The following KIAA1614 variants were observed in gnomAD, a reference collection of about 807,000 sequenced individuals.
KIAA1614 encodes KIAA1614, also known as uncharacterized protein KIAA1614.
Under a neutral mutation model 88.7 loss-of-function variants are expected in KIAA1614, and 76 were observed. That is an observed-to-expected ratio of 0.86 (90% confidence interval 0.71 to 1.04). The LOEUF (loss-of-function observed/expected upper bound fraction) is 1.04, where lower values mean the gene tolerates loss of function less well. Ranked by LOEUF, KIAA1614 falls within the 50% of genes least tolerant of loss-of-function variation. The probability of loss-of-function intolerance (pLI) is 0.00; values close to 1 mark genes in which losing one functional copy is unlikely to be tolerated. For synonymous variants in KIAA1614, 714 were observed against 675.5 expected, an observed-to-expected ratio of 1.06 and a Z score of -0.88; for missense variants, 1,553 against 1,582.5, an observed-to-expected ratio of 0.98 and a Z score of 0.32.
chr1:180,951,126 G>C lies in KIAA1614; in HGVS notation c.*5538G>C, dbSNP rs150183364. On this transcript the variant is annotated 3_prime_UTR_variant, in exon 9 of 9. Transcript: ENST00000367588. ...CAGGAGTTTTATGCCCCTTCGGGGT[G>C]TGGGAATTCTGGGAGATGTTATCTG... The C allele has an allele frequency of 2.0e-5, 3 of 152,254 alleles. No homozygotes were observed. The highest frequency in any genetic ancestry group is 2.1e-4 in the South Asian group (1 of 4,832). The allele number at this position is 152,254 out of a possible 1,614,324, so 9.4% of individuals were successfully genotyped here. A position where few individuals can be genotyped will look rare whatever the true frequency, so the allele number is the denominator to read the frequency against.
At chr1:180,923,634 C>T (rs899984468) in intron 3 of KIAA1614, among the ~76,000 whole-genome samples, 3 of 152,188 alleles carry the variant, frequency 2.0e-5, no homozygotes, top group African/African-American at 7.2e-5. Flanking sequence ...CTGTTCTTGT[C>T]TCCGGGCCCC....
At position 180,950,473 on chromosome 1, in the gene KIAA1614, C is replaced by A; in HGVS notation, c.*4885C>A. The A allele has an allele frequency of 2.6e-6, 3 of 1,157,734 alleles. No individual in the cohort carries two copies. The highest frequency in any genetic ancestry group is 3.3e-6 in the Non-Finnish European group (3 of 922,424). 71.7% of individuals were successfully genotyped at this position (1,157,734 alleles called of 1,614,324 possible). A position where few individuals can be genotyped will look rare whatever the true frequency, so the allele number is the denominator to read the frequency against. On this transcript the variant is annotated 3_prime_UTR_variant, in exon 9 of 9. Transcript: ENST00000367588. ...TGGGCTTGGCTCACATTAAGGAGCT[C>A]CTGGCCCACTCAGAGAGCTTGTCAA...
chr1:180,926,557 C>T (rs1358332397), intron 3 of KIAA1614, among the ~76,000 whole-genome samples: 1 of 152,092 alleles, frequency 6.6e-6, no homozygotes, highest in East Asian at 1.9e-4. Context: ...GGCTTTAAAA[C>T]CTGGGGGCAA....
In KIAA1614 at chr1:180,935,354, C is replaced by T; in HGVS notation, c.1445C>T (p.Ala482Val). 1.4e-6 allele frequency: 2 copies of T among 1,468,722 alleles called. No individual in the cohort carries two copies. The highest frequency in any genetic ancestry group is 2.9e-5 in the South Asian group (2 of 69,830). The allele number at this position is 1,468,722 out of a possible 1,614,324, so 91.0% of individuals were successfully genotyped here. The change falls in exon 5 of 9, where the codon GCC becomes GTC. Residue 482 changes from alanine (A) to valine (V), a missense_variant. By Grantham distance (64) the Ala-to-Val change is moderately conservative. Coordinates refer to ENST00000367588, the MANE Select transcript of KIAA1614 (RefSeq NM_020950.2). The surrounding 1 kb of genome is among the most constrained non-coding windows in gnomAD (Gnocchi z 6.1). ...CAGGTGCTGAGCACCGTGTTGCAGG[C>T]CGCGGACCAGGGCCCCCTGCGCTCC... ...QRQVLSTVLQ[A>V]ADQGPLRSKP... is the part of the protein sequence containing the mutation.
chr1:180,914,836 T>C (rs1270432063), intron 1 of KIAA1614, among the ~76,000 whole-genome samples: 1 of 152,162 alleles, frequency 6.6e-6, no homozygotes, highest in Non-Finnish European at 1.5e-5. Flanking sequence ...CCTCCCGAGT[T>C]CAAGCAATTA....
chr1:180,944,531 C>A lies in KIAA1614; in HGVS notation c.3287+15C>A. On this transcript the variant is annotated intron_variant, in intron 8 of 8. Transcript: ENST00000367588. ...GCAGCTGGCAGGTATGAGGGGCACA[C>A]ATGGTTTGGAGGATAAACTCAGAGA... 6.2e-7 allele frequency: 1 copy of A among 1,611,692 alleles called. No individual in the cohort carries two copies. The highest frequency in any genetic ancestry group is 8.5e-7 in the Non-Finnish European group (1 of 1,178,660).
At chr1:180,916,122 G>A in intron 1 of KIAA1614, 32 bp from the exon 2 acceptor site, 2 of 1,511,806 alleles carry the variant, frequency 1.3e-6, no homozygotes, top group Non-Finnish European at 1.8e-6. Context: ...CCTGTGCTGG[G>A]TCTTAGGAAC....
intron 4 of KIAA1614, among the ~76,000 whole-genome samples, chr1:180,928,975 T>C (rs1294267446): frequency 6.6e-6 from 1 of 152,360 alleles, no homozygotes; most frequent in Non-Finnish European, 1.5e-5. Flanking sequence ...AGCTGAGGCT[T>C]GACGGAAGTA....
At chr1:180,922,246 C>T (rs1040442265) in intron 3 of KIAA1614, among the ~76,000 whole-genome samples, 2 of 152,182 alleles carry the variant, frequency 1.3e-5, no homozygotes, top group Non-Finnish European at 2.9e-5. Context: ...GAGAAGGTCT[C>T]GGTTTTGTTT....
At position 180,936,130 on chromosome 1, in the gene KIAA1614, A is replaced by C; in HGVS notation, c.2221A>C (p.Thr741Pro). ...SHQPHPLDSRTPCRTAYATTA... is the reference protein window; with the variant it reads ...SHQPHPLDSRPPCRTAYATTA... ...CCAGCCTCACCCTTTGGATTCCCGG[A>C]CTCCATGCAGGACAGCCTATGCCAC... Residue 741 changes from threonine (T) to proline (P), a missense_variant, in exon 5 of 9, where the codon ACT becomes CCT. Thr to Pro is a conservative substitution (Grantham distance 38). Transcript: ENST00000367588. 1 of 1,613,808 alleles carries C rather than the reference A, an allele frequency of 6.2e-7. No homozygotes were observed. The highest frequency in any genetic ancestry group is 8.5e-7 in the Non-Finnish European group (1 of 1,179,934).
chr1:180,929,747 A>G (rs924230903), intron 4 of KIAA1614, among the ~76,000 whole-genome samples: 2 of 152,262 alleles, frequency 1.3e-5, no homozygotes, highest in Non-Finnish European at 2.9e-5. Context: ...CCACCAGGCT[A>G]TGCCAGGTCT....
chr1:180,928,335 C>T lies in KIAA1614; in HGVS notation c.1062-95C>T, dbSNP rs983605026. On this transcript the variant is annotated intron_variant, in intron 3 of 8. Coordinates refer to ENST00000367588, the MANE Select transcript of KIAA1614 (RefSeq NM_020950.2). ...GCTGCACATGCAGGGCTTTTTCTGG[C>T]ACAGCCAGTGCTTGACACTGCTAAA... is the stretch of plus-strand genomic sequence containing the variant. 6 of 1,336,882 alleles carry T rather than the reference C, an allele frequency of 4.5e-6. No individual in the cohort carries two copies. The Admixed American group carries it at 8.7e-5, about 19-fold the overall frequency. The allele number at this position is 1,336,882 out of a possible 1,614,324, so 82.8% of individuals were successfully genotyped here.
At chr1:180,926,828 T>C (rs1654081056) in intron 3 of KIAA1614, among the ~76,000 whole-genome samples, 1 of 152,250 alleles carries the variant, frequency 6.6e-6, no homozygotes, top group African/African-American at 2.4e-5. Context: ...CTGGGGAAGC[T>C]GTGCAGAGGG....
In KIAA1614 at chr1:180,936,403, A is replaced by G. The variant is rs1203131381; in HGVS notation, c.2494A>G (p.Arg832Gly). 11 of 1,614,096 alleles carry G rather than the reference A, an allele frequency of 6.8e-6. No homozygotes were observed. The highest frequency in any genetic ancestry group is 9.3e-6 in the Non-Finnish European group (11 of 1,180,030). Residue 832 changes from arginine (R) to glycine (G), a missense_variant, in exon 5 of 9, where the codon AGG becomes GGG. By Grantham distance (125) the Arg-to-Gly change is moderately radical. Coordinates refer to ENST00000367588, the MANE Select transcript of KIAA1614 (RefSeq NM_020950.2). Reference sequence around the variant, plus strand: ...GAAGGCAGCCCTGGCTGGACTGCTCAGGCTGGGTGACCAGACAGAGCCTGT... The same window carrying G: ...GAAGGCAGCCCTGGCTGGACTGCTCGGGCTGGGTGACCAGACAGAGCCTGT... ...HRKAALAGLL[R>G]LGDQTEPVGI...
rs1654701006 is a variant in KIAA1614, at chr1:180,950,177, A to G, written c.*4589A>G. ...GCCAGTTGTGGTTGTGAGATGGAAT[A>G]ATGAGGGGTGTGTGTATGTGTGCAT... On this transcript the variant is annotated 3_prime_UTR_variant, in exon 9 of 9. Transcript: ENST00000367588. 1 of 225,920 alleles carries G rather than the reference A, an allele frequency of 4.4e-6. No homozygotes were observed. Among genetic ancestry groups the G allele is most frequent in the South Asian group, 6.4e-5 (1 of 15,688 alleles). The allele number at this position is 225,920 out of a possible 1,614,324, so 14.0% of individuals were successfully genotyped here. A position where few individuals can be genotyped will look rare whatever the true frequency, so the allele number is the denominator to read the frequency against.
At chr1:180,941,325 G>T in intron 7 of KIAA1614, 40 bp downstream of exon 7, 1 of 1,573,030 alleles carries the variant, frequency 6.4e-7, no homozygotes, top group South Asian at 1.2e-5. Context: ...GAAGCCAGTA[G>T]CGGTGCAACC....
rs1157144657 is a variant in KIAA1614, at chr1:180,928,370, ATC to A, written c.1062-58_1062-57del. 2.7e-6 allele frequency: 4 copies of A among 1,455,512 alleles called. No homozygotes were observed. The East Asian group carries it at 1.0e-4, about 38-fold the overall frequency. The allele number at this position is 1,455,512 out of a possible 1,614,324, so 90.2% of individuals were successfully genotyped here. A position where few individuals can be genotyped will look rare whatever the true frequency, so the allele number is the denominator to read the frequency against. On this transcript the variant is annotated intron_variant, in intron 3 of 8. Coordinates refer to ENST00000367588, the MANE Select transcript of KIAA1614 (RefSeq NM_020950.2). ...GCTTGACACTGCTAAAGCCCTCCTA[ATC>A]TGCGTTATTTTCCTCTAATCCCTCC...
rs1653689396 is a variant in KIAA1614 at position 180,913,086 on chromosome 1, G to T, written c.-158G>T. 2.3e-6 allele frequency: 1 copy of T among 426,870 alleles called. No homozygotes were observed. Among genetic ancestry groups the T allele is most frequent in the Non-Finnish European group, 3.8e-6 (1 of 264,928 alleles). The allele number at this position is 426,870 out of a possible 1,614,324, so 26.4% of individuals were successfully genotyped here. Reference sequence around the variant, plus strand: ...CAGAGCCGGGAGCTGGCCCGGCCTCGGCGCCGTCCCGGACCCCCAGTCGGC... The same window carrying T: ...CAGAGCCGGGAGCTGGCCCGGCCTCTGCGCCGTCCCGGACCCCCAGTCGGC... On this transcript the variant is annotated 5_prime_UTR_variant, in exon 1 of 9. Transcript: ENST00000367588.
In KIAA1614 at chr1:180,948,800, C is replaced by G. The variant is rs532308536; in HGVS notation, c.*3212C>G. 15 of 152,302 alleles carry G rather than the reference C, an allele frequency of 9.8e-5. No individual in the cohort carries two copies. The highest frequency in any genetic ancestry group is 3.4e-4 in the African/African-American group (14 of 41,420). 9.4% of individuals were successfully genotyped at this position (152,302 alleles called of 1,614,324 possible). Reference sequence around the variant, plus strand: ...GGAAGACAGCCCCACAGAAAAGGCTCGGCTTGGCCAAGAAGCAACAAAAGG... The same window carrying G: ...GGAAGACAGCCCCACAGAAAAGGCTGGGCTTGGCCAAGAAGCAACAAAAGG... On this transcript the variant is annotated 3_prime_UTR_variant, in exon 9 of 9. Coordinates refer to ENST00000367588, the MANE Select transcript of KIAA1614 (RefSeq NM_020950.2).
Sources: allele counts gnomAD v4.1 joint callset (sites outside exome capture counted in the v4.1 genomes callset), GRCh38; gene constraint gnomAD v4.1.1; non-coding constraint Gnocchi (gnomAD v3.1); transcripts MANE v1.5; gene names NCBI Gene and HGNC (gene_info 2026-07-23, HGNC 2026-07-21).